DCAF11: variants seen among roughly 807,000 people sequenced by gnomAD.
DCAF11 encodes DDB1 and CUL4 associated factor 11, also known as DDB1- and CUL4-associated factor 11.
In DCAF11, 44 loss-of-function variants were observed where a neutral mutation model predicts 76.1. The observed-to-expected ratio is 0.58, with a 90% CI of 0.45 to 0.74. DCAF11 has a LOEUF of 0.74. Among genes scored for constraint, DCAF11 ranks in the 30% least tolerant of loss-of-function variants. The pLI, the probability that DCAF11 is intolerant of heterozygous loss-of-function variation, is 0.00. For synonymous variants in DCAF11, 258 were observed against 255.0 expected (o/e 1.01, Z -0.11); for missense variants, 604 against 709.4 (o/e 0.85, Z 1.69).
rs1322390833 is a variant in DCAF11, at chr14:24,115,604, C to G, written c.10C>G (p.Arg4Gly). 2 of 1,612,114 alleles carry G rather than the reference C, an allele frequency of 1.2e-6. No homozygotes were observed. Among genetic ancestry groups the G allele is most frequent in the African/African-American group, 1.3e-5 (1 of 74,862 alleles). The change falls in exon 2 of 15, where the codon CGG becomes GGG. Residue 4 changes from arginine to glycine, a missense_variant. By Grantham distance (125) the Arg-to-Gly change is moderately radical. Coordinates refer to ENST00000446197, the MANE Select transcript of DCAF11 (RefSeq NM_025230.5). The stretch of plus-strand genomic sequence containing the variant: ...ATGCTGTGACCAGAAGATGGGATCG[C>G]GGAACAGCAGCAGTGCAGGATCCGG... MGS[R>G]NSSSAGSGSG...
rs763487731 is a variant in DCAF11 at position 24,123,198 on chromosome 14, G to C, written c.1530G>C (p.Trp510Cys). ...AGTGGGACGGGAACCTGCGTCTGTGGCAGTACCGCCAGGCTGAGTACTTCC... is the reference window on the plus strand; with the variant it reads ...AGTGGGACGGGAACCTGCGTCTGTGCCAGTACCGCCAGGCTGAGTACTTCC... ...SSSWDGNLRL[W>C]QYRQAEYFQD... The change falls in exon 15 of 15, where the codon TGG becomes TGC. Residue 510 changes from tryptophan (W) to cysteine (C), a missense_variant. Transcript: ENST00000446197. The C allele has an allele frequency of 6.2e-7, 1 of 1,605,990 alleles. No individual in the cohort carries two copies. Among genetic ancestry groups the C allele is most frequent in the South Asian group, 1.1e-5 (1 of 90,010 alleles).
In DCAF11 at chr14:24,118,813, T is replaced by A; in HGVS notation, c.779+9T>A. 1 of 1,614,002 alleles carries A rather than the reference T, an allele frequency of 6.2e-7. No individual in the cohort carries two copies. The highest frequency in any genetic ancestry group is 8.5e-7 in the Non-Finnish European group (1 of 1,179,922). ...ACTGCCCTGGATCTCAGGTACTGGC[T>A]TCCCTTTCTGGTCAGACTCATCAGA... On this transcript the variant is annotated intron_variant, in intron 8 of 14. Transcript: ENST00000446197.
chr14:24,119,976 G>A (rs1454136433), intron 11 of DCAF11, 80 bp downstream of exon 11: 1 of 1,454,152 alleles, frequency 6.9e-7, no homozygotes, highest in African/African-American at 1.4e-5. Flanking sequence ...GACTGGTGTG[G>A]GAATTTGACA....
chr14:24,122,582 T>G (rs2037711298), intron 13 of DCAF11, among the ~76,000 whole-genome samples: 2 of 149,824 alleles, frequency 1.3e-5, no homozygotes, highest in Non-Finnish European at 3.0e-5. Context: ...AGAGAGACAC[T>G]CACAGTCCCA....
chr14:24,118,222 A>T, intron 6 of DCAF11, 67 bp downstream of exon 6: 1 of 1,559,646 alleles, frequency 6.4e-7, no homozygotes. Context: ...GACTGAGGCT[A>T]GAAAGCCACA....
chr14:24,117,813 G>A lies in DCAF11; in HGVS notation c.476+81G>A. 7.1e-7 allele frequency: 1 copy of A among 1,401,090 alleles called. No individual in the cohort carries two copies. The highest frequency in any genetic ancestry group is 2.0e-5 in the Admixed American group (1 of 49,690). The allele number at this position is 1,401,090 out of a possible 1,614,324, so 86.8% of individuals were successfully genotyped here. A position where few individuals can be genotyped will look rare whatever the true frequency, so the allele number is the denominator to read the frequency against. On this transcript the variant is annotated intron_variant, in intron 5 of 14. Transcript: ENST00000446197. This position sits in a 1 kb window ranked among gnomAD's most constrained non-coding sequence, Gnocchi z 4.3. Reference sequence around the variant, plus strand: ...AACTTTGAAGGGGTAGGTGTTAAAGGAGCCTCAGAGATATTAAAGGTTAGG... The same window carrying A: ...AACTTTGAAGGGGTAGGTGTTAAAGAAGCCTCAGAGATATTAAAGGTTAGG...
intron 12 of DCAF11, 92 bp downstream of exon 12, chr14:24,121,083 CTT>C (rs1382980786): frequency 2.6e-6 from 4 of 1,511,056 alleles, no homozygotes; most frequent in East Asian, 4.7e-5. Flanking sequence ...GGCATTAACT[CTT>C]TATTTGCTAA....
chr14:24,118,935 A>G, intron 8 of DCAF11, 131 bp downstream of exon 8: 1 of 1,193,922 alleles, frequency 8.4e-7, no homozygotes, highest in South Asian at 1.3e-5. Context: ...CATTCCTGGG[A>G]GGGAAGCACC....
intron 11 of DCAF11, 99 bp downstream of exon 11, chr14:24,119,995 A>G (rs2037660005): frequency 2.1e-6 from 3 of 1,396,292 alleles, no homozygotes; most frequent in South Asian, 3.0e-5. Context: ...CAAGCTCCTT[A>G]TTAACCAAGG....
At position 24,118,825 on chromosome 14, in the gene DCAF11, T is replaced by C. The variant is rs1264647217; in HGVS notation, c.779+21T>C. On this transcript the variant is annotated intron_variant, in intron 8 of 14. Transcript: ENST00000446197. Reference sequence around the variant, plus strand: ...CTCAGGTACTGGCTTCCCTTTCTGGTCAGACTCATCAGAAACTTCTCAAGG... The same window carrying C: ...CTCAGGTACTGGCTTCCCTTTCTGGCCAGACTCATCAGAAACTTCTCAAGG... 3.1e-6 allele frequency: 5 copies of C among 1,613,166 alleles called. No homozygotes were observed. In the Admixed American group the frequency reaches 5.0e-5, roughly 16 times the overall value.
chr14:24,115,253 C>G lies in DCAF11; in HGVS notation c.-254C>G. 4.9e-6 allele frequency: 1 copy of G among 204,016 alleles called. No homozygotes were observed. The highest frequency in any genetic ancestry group is 9.6e-6 in the Non-Finnish European group (1 of 103,648). The allele number at this position is 204,016 out of a possible 1,614,324, so 12.6% of individuals were successfully genotyped here. A position where few individuals can be genotyped will look rare whatever the true frequency, so the allele number is the denominator to read the frequency against. On this transcript the variant is annotated 5_prime_UTR_variant, in exon 1 of 15. Transcript: ENST00000446197. ...GAGGTTACCTGGAAATCCAACACCG[C>G]CCAACACCCCTCCCGCTCCCCAGTC... is the stretch of plus-strand genomic sequence containing the variant.
rs894507471 is a variant in DCAF11, at chr14:24,117,990, T to A, written c.477-65T>A. 8.4e-6 allele frequency: 10 copies of A among 1,187,176 alleles called. No homozygotes were observed. In the East Asian group the frequency reaches 2.1e-4, roughly 25 times the overall value. The allele number at this position is 1,187,176 out of a possible 1,614,324, so 73.5% of individuals were successfully genotyped here. A position where few individuals can be genotyped will look rare whatever the true frequency, so the allele number is the denominator to read the frequency against. On this transcript the variant is annotated intron_variant, in intron 5 of 14. Coordinates refer to ENST00000446197, the MANE Select transcript of DCAF11 (RefSeq NM_025230.5). The surrounding 1 kb of genome is among the most constrained non-coding windows in gnomAD (Gnocchi z 4.3). ...TCTGATATTCCAGCTCTGTTAGGAT[T>A]CTGCTGATTGGGACACTCCTTATCC...
At position 24,114,818 on chromosome 14, in the gene DCAF11, C is replaced by T. The variant is rs2037501673; in HGVS notation, c.-689C>T. On this transcript the variant is annotated 5_prime_UTR_variant, in exon 1 of 15. Coordinates refer to ENST00000446197, the MANE Select transcript of DCAF11 (RefSeq NM_025230.5). ...CCGCCGGCCAGGAAGCCGCGAGATG[C>T]GTGACGAGCGAAGCGCGTGACGGAG... 2.0e-6 allele frequency: 2 copies of T among 985,842 alleles called. No homozygotes were observed. The highest frequency in any genetic ancestry group is 6.1e-5 in the Admixed American group (1 of 16,276). The allele number at this position is 985,842 out of a possible 1,614,324, so 61.1% of individuals were successfully genotyped here. A position where few individuals can be genotyped will look rare whatever the true frequency, so the allele number is the denominator to read the frequency against.
Position 24,118,488 on chromosome 14 carries a change from C to T in DCAF11, c.678C>T (p.Phe226=). Reference sequence around the variant, plus strand: ...GCTGGAGCGTCTTGGATGTGGCCTTCACCCCTGATGGGAACCACTTCCTCT... The same window carrying T: ...GCTGGAGCGTCTTGGATGTGGCCTTTACCCCTGATGGGAACCACTTCCTCT... ...DVGWSVLDVA[F]TPDGNHFLYS... is the part of the protein sequence containing the mutation. Residue 226 remains phenylalanine, a synonymous_variant, in exon 7 of 15, where the codon TTC becomes TTT. Coordinates refer to ENST00000446197, the MANE Select transcript of DCAF11 (RefSeq NM_025230.5). 1.9e-6 allele frequency: 3 copies of T among 1,614,190 alleles called. No individual in the cohort carries two copies. Among genetic ancestry groups the T allele is most frequent in the Non-Finnish European group, 1.7e-6 (2 of 1,180,036 alleles).
Position 24,120,928 on chromosome 14 carries a change from G to C in DCAF11, c.1183G>C (p.Ala395Pro). ...CTTTTCCAGCCGGGAAGGCATGGAA[G>C]CTTCACGCCAGGCTGCCACACAGCA... Reference protein sequence around the residue: ...RRFSSREGMEASRQAATQQNW... With the variant: ...RRFSSREGMEPSRQAATQQNW... The change falls in exon 12 of 15, where the codon GCT becomes CCT. Residue 395 changes from alanine to proline, a missense_variant. Transcript: ENST00000446197. 1.2e-6 allele frequency: 2 copies of C among 1,614,236 alleles called. No homozygotes were observed. Among genetic ancestry groups the C allele is most frequent in the Non-Finnish European group, 1.7e-6 (2 of 1,180,052 alleles).
chr14:24,122,114 T>A (rs910217011), intron 13 of DCAF11: 12 of 143,564 alleles, frequency 8.4e-5, no homozygotes, highest in African/African-American at 3.2e-4. Flanking sequence ...GCCATGATTG[T>A]GCCACCGCAC....
chr14:24,118,533 C>T lies in DCAF11; in HGVS notation c.723C>T (p.Tyr241=), dbSNP rs1173838939. 7 of 1,613,774 alleles carry T rather than the reference C, an allele frequency of 4.3e-6. No homozygotes were observed. Among genetic ancestry groups the T allele is most frequent in the South Asian group, 2.2e-5 (2 of 91,076 alleles). The change falls in exon 7 of 15, where the codon TAC becomes TAT. Residue 241 remains tyrosine (Y), a splice_region_variant and synonymous_variant. Transcript: ENST00000446197. ...TCCTCTACTCTAGCTGGTCTGATTA[C>T]AGTGAGTATGCACCAGGCTTCCACT... ...NHFLYSSWSD[Y]IHICNIYGEG...
intron 2 of DCAF11, among the ~76,000 whole-genome samples, chr14:24,116,229 G>A (rs192134504): frequency 1.3e-5 from 2 of 152,218 alleles, no homozygotes; most frequent in Non-Finnish European, 2.9e-5. Context: ...CTTGAAGGGA[G>A]AGACCACCTG....
chr14:24,119,524 G>A (rs2037649884), intron 9 of DCAF11, 35 bp from the exon 10 acceptor site: 3 of 1,613,146 alleles, frequency 1.9e-6, no homozygotes, highest in Non-Finnish European at 2.5e-6. Context: ...TCTCGATCAT[G>A]GCTCCAGGAC....
Sources: allele counts gnomAD v4.1 joint callset (sites outside exome capture counted in the v4.1 genomes callset), GRCh38; gene constraint gnomAD v4.1.1; non-coding constraint Gnocchi (gnomAD v3.1); transcripts MANE v1.5; gene names NCBI Gene and HGNC (gene_info 2026-07-23, HGNC 2026-07-21).